Variants in ARMC3 observed in about 807,000 individuals in gnomAD.
The protein encoded by ARMC3 is armadillo repeat containing 3.
ARMC3 carries 74 observed loss-of-function variants against 90.3 expected under a neutral mutation model. That is an observed-to-expected ratio of 0.82 (90% CI 0.68 to 0.99). ARMC3 has a LOEUF of 0.99. Among genes scored for constraint, ARMC3 ranks in the 50% least tolerant of loss-of-function variants. The probability of loss-of-function intolerance (pLI) is 0.00; values close to 1 mark genes in which losing one functional copy is unlikely to be tolerated. For missense variants in ARMC3, 958 were observed against 1,042.8 expected, an observed-to-expected ratio of 0.92 and a Z score of 1.12; for synonymous variants, 334 against 361.8, an observed-to-expected ratio of 0.92 and a Z score of 0.87.
At chr10:23,007,785 A>G (rs890951666) in intron 14 of ARMC3, among the ~76,000 whole-genome samples, 4 of 151,952 alleles carry the variant, frequency 2.6e-5, no homozygotes, top group Non-Finnish European at 4.4e-5. Context: ...TTTTATACAA[A>G]TAATTTCTGT....
chr10:22,970,664 G>A (rs1325983371), intron 8 of ARMC3, among the ~76,000 whole-genome samples: 4 of 152,194 alleles, frequency 2.6e-5, no homozygotes, highest in African/African-American at 9.7e-5. Flanking sequence ...CGGTGTTCAG[G>A]ACTGGCTCAA....
At chr10:22,988,703 T>C (rs1836570153) in intron 10 of ARMC3, among the ~76,000 whole-genome samples, 1 of 152,188 alleles carries the variant, frequency 6.6e-6, no homozygotes, top group Non-Finnish European at 1.5e-5. Flanking sequence ...TCTCCATCCC[T>C]GTACAGGAAG....
intron 10 of ARMC3, among the ~76,000 whole-genome samples, chr10:22,985,340 T>C (rs928815353): frequency 3.3e-5 from 5 of 152,172 alleles, no homozygotes; most frequent in Non-Finnish European, 7.4e-5. Context: ...TCCCACTCAC[T>C]GGGTATAAAT....
At chr10:23,003,010 C>A (rs571500007) in intron 12 of ARMC3, among the ~76,000 whole-genome samples, 18 of 152,196 alleles carry the variant, frequency 1.2e-4, no homozygotes, top group Non-Finnish European at 1.5e-5. Flanking sequence ...AGAACTTTTT[C>A]CCCCAAAAGC....
intron 7 of ARMC3, among the ~76,000 whole-genome samples, chr10:22,967,727 A>G (rs997892703): frequency 6.6e-6 from 1 of 152,330 alleles, no homozygotes; most frequent in Non-Finnish European, 1.5e-5. Flanking sequence ...TTCCATGAAC[A>G]TTGGCCACAA....
chr10:22,939,584 A>G (rs1834244649), intron 2 of ARMC3, among the ~76,000 whole-genome samples: 1 of 152,202 alleles, frequency 6.6e-6, no homozygotes, highest in Non-Finnish European at 1.5e-5. Context: ...ATAAAGCTTA[A>G]AAACGGGCTT....
intron 14 of ARMC3, 31 bp downstream of exon 14, chr10:23,007,012 G>C: frequency 6.6e-7 from 1 of 1,515,960 alleles, no homozygotes; most frequent in Non-Finnish European, 9.0e-7. Flanking sequence ...GGGATGAAGG[G>C]AAGCACATAC....
intron 17 of ARMC3, chr10:23,031,201 A>T (rs1468162350): frequency 5.7e-6 from 1 of 175,366 alleles, no homozygotes; most frequent in East Asian, 1.5e-4. Flanking sequence ...ACAAATGTCC[A>T]ATGTCTCTTT....
chr10:22,954,674 G>GAAAAAAAAAAAA (rs530210965), intron 3 of ARMC3, among the ~76,000 whole-genome samples: 1 of 89,068 alleles, frequency 1.1e-5, no homozygotes, highest in Admixed American at 1.2e-4. Context: ...CCTGTCTCAA[G>GAAAAAAAAAAAA]AAAAAAAAAA....
At chr10:23,013,614 A>G (rs894938430) in intron 16 of ARMC3, among the ~76,000 whole-genome samples, 7 of 152,150 alleles carry the variant, frequency 4.6e-5, no homozygotes, top group African/African-American at 7.2e-5. Context: ...TTGTAGTTTC[A>G]TGGTGAGAAC....
At chr10:23,007,772 A>G (rs1218385804) in intron 14 of ARMC3, among the ~76,000 whole-genome samples, 1 of 151,432 alleles carries the variant, frequency 6.6e-6, no homozygotes, top group Non-Finnish European at 1.5e-5. Context: ...GTTATGTGAT[A>G]CATTTTATAC....
intron 16 of ARMC3, among the ~76,000 whole-genome samples, chr10:23,028,183 G>A (rs575854617): frequency 2.0e-5 from 3 of 152,152 alleles, no homozygotes; most frequent in Admixed American, 6.5e-5. Flanking sequence ...ATTTTGTTCT[G>A]GGTGTTGTTC....
chr10:22,993,668 C>G (rs1281804262), intron 10 of ARMC3, among the ~76,000 whole-genome samples: 2 of 152,090 alleles, frequency 1.3e-5, no homozygotes, highest in East Asian at 3.8e-4. Flanking sequence ...GTACCAGGTA[C>G]AGACATAGCA....
At chr10:22,946,047 CA>C in intron 2 of ARMC3, 96 bp from the exon 3 acceptor site, 1 of 870,408 alleles carries the variant, frequency 1.1e-6, no homozygotes, top group Non-Finnish European at 1.8e-6. Context: ...ATCCTTTTTG[CA>C]AGATTACATT....
intron 2 of ARMC3, among the ~76,000 whole-genome samples, chr10:22,932,675 T>C (rs969603931): frequency 1.3e-5 from 2 of 152,234 alleles, no homozygotes; most frequent in Non-Finnish European, 2.9e-5. Flanking sequence ...GAAACTTATT[T>C]TGAAACAGAC....
At chr10:22,973,790 G>A (rs564627133) in intron 8 of ARMC3, among the ~76,000 whole-genome samples, 196 of 109,758 alleles carry the variant, frequency 1.8e-3, no homozygotes, top group Middle Eastern at 0.01. Context: ...ACAGAATCTC[G>A]CTCTGTCACC....
intron 7 of ARMC3, among the ~76,000 whole-genome samples, chr10:22,965,034 A>G (rs1459748023): frequency 6.6e-6 from 1 of 152,152 alleles, no homozygotes; most frequent in Non-Finnish European, 1.5e-5. Flanking sequence ...AGAGTCCTAT[A>G]TCATGTGTTA....
intron 4 of ARMC3, 111 bp from the exon 5 acceptor site, chr10:22,958,959 G>C (rs1386164581): frequency 1.2e-6 from 1 of 850,578 alleles, no homozygotes; most frequent in Non-Finnish European, 1.9e-6. Context: ...CTGACCTCAA[G>C]TGATTCACCC....
At chr10:23,013,311 C>G (rs1838107289) in intron 16 of ARMC3, among the ~76,000 whole-genome samples, 1 of 152,178 alleles carries the variant, frequency 6.6e-6, no homozygotes, top group African/African-American at 2.4e-5. Context: ...CTGGAATAGC[C>G]TTGCTTGTTT....
Sources: allele counts gnomAD v4.1 joint callset (sites outside exome capture counted in the v4.1 genomes callset), GRCh38; gene constraint gnomAD v4.1.1; transcripts MANE v1.5; gene names NCBI Gene and HGNC (gene_info 2026-07-23, HGNC 2026-07-21).